NLN: variants seen among roughly 807,000 people sequenced by gnomAD.
NLN encodes the protein neurolysin, also known as neurolysin, mitochondrial.
NLN carries 64 observed loss-of-function variants against 79.9 expected under a neutral mutation model. The ratio of observed to expected loss-of-function variants is 0.80; its 90% CI spans 0.65 to 0.99. NLN has a LOEUF of 0.99. Ranked by LOEUF, NLN falls within the 50% of genes least tolerant of loss-of-function variation. The pLI, the probability that NLN is intolerant of heterozygous loss-of-function variation, is 0.00. For missense variants in NLN, 835 were observed against 858.7 expected, an observed-to-expected ratio of 0.97 and a Z score of 0.34; for synonymous variants, 267 against 296.6, an observed-to-expected ratio of 0.90 and a Z score of 1.02.
chr5:65,791,094 T>G (rs930595419), intron 8 of NLN, among the ~76,000 whole-genome samples: 1 of 152,214 alleles, frequency 6.6e-6, no homozygotes, highest in African/African-American at 2.4e-5. Context: ...TTTATTTGTC[T>G]AACTGACTTT....
intron 3 of NLN, among the ~76,000 whole-genome samples, chr5:65,771,375 C>G (rs1027862989): frequency 4.6e-5 from 7 of 152,016 alleles, no homozygotes; most frequent in African/African-American, 1.7e-4. Flanking sequence ...GCCATTTTGG[C>G]GAGAAAAATG....
chr5:65,754,176 C>G (rs1425100730), intron 1 of NLN, among the ~76,000 whole-genome samples: 1 of 152,178 alleles, frequency 6.6e-6, no homozygotes, highest in African/African-American at 2.4e-5. Context: ...CTGGAATGGT[C>G]AGGCTTTACA....
intron 9 of NLN, among the ~76,000 whole-genome samples, chr5:65,805,694 T>G (rs190036736): frequency 6.6e-6 from 1 of 152,374 alleles, no homozygotes; most frequent in East Asian, 1.9e-4. Flanking sequence ...ATTGCTGATT[T>G]AGAAGCTGTG....
intron 3 of NLN, among the ~76,000 whole-genome samples, chr5:65,774,983 C>T (rs1021620162): frequency 3.3e-5 from 5 of 152,014 alleles, no homozygotes; most frequent in African/African-American, 9.7e-5. Flanking sequence ...ATTCGGCCTC[C>T]CAATGCTGGG....
At chr5:65,730,956 A>C (rs1037478670) in intron 1 of NLN, among the ~76,000 whole-genome samples, 1 of 152,244 alleles carries the variant, frequency 6.6e-6, no homozygotes, top group African/African-American at 2.4e-5. Context: ...ACTGAATTTC[A>C]GTGGAGTACA....
At chr5:65,767,955 C>T (rs968763452) in intron 3 of NLN, among the ~76,000 whole-genome samples, 4 of 152,178 alleles carry the variant, frequency 2.6e-5, no homozygotes, top group African/African-American at 9.7e-5. Context: ...ATAAGTTCCT[C>T]ATCTTCATCT....
chr5:65,819,668 G>T (rs1024140558), intron 12 of NLN, among the ~76,000 whole-genome samples: 6 of 152,154 alleles, frequency 3.9e-5, no homozygotes, highest in African/African-American at 1.4e-4. Context: ...AATTTTAGCA[G>T]TTGTCTTAGA....
At chr5:65,822,375 T>G (rs1338440520) in intron 12 of NLN, among the ~76,000 whole-genome samples, 2 of 152,222 alleles carry the variant, frequency 1.3e-5, no homozygotes, top group African/African-American at 4.8e-5. Context: ...ACAGTAGCCA[T>G]GCTACTGTTT....
chr5:65,812,002 A>C (rs1467792871), intron 11 of NLN, among the ~76,000 whole-genome samples: 1 of 152,198 alleles, frequency 6.6e-6, no homozygotes, highest in Non-Finnish European at 1.5e-5. Flanking sequence ...GTGGGTGTGG[A>C]CAAAGCCGCT....
chr5:65,727,836 G>A (rs1303274523), intron 1 of NLN, among the ~76,000 whole-genome samples: 6 of 152,022 alleles, frequency 3.9e-5, no homozygotes, highest in African/African-American at 7.2e-5. Context: ...GCATGATCTC[G>A]GCTCACTGCA....
At chr5:65,774,211 TTTG>T (rs1561195972) in intron 3 of NLN, among the ~76,000 whole-genome samples, 1 of 152,092 alleles carries the variant, frequency 6.6e-6, no homozygotes, top group Non-Finnish European at 1.5e-5. Context: ...ATTAAAACTC[TTTG>T]TTACAGGAGG....
intron 1 of NLN, among the ~76,000 whole-genome samples, chr5:65,739,880 C>T (rs75545723): frequency 0.02 from 2,982 of 152,166 alleles, 107 homozygotes; most frequent in African/African-American, 0.069. Context: ...TATTGAGTTA[C>T]TTGTATATTT....
chr5:65,737,333 C>G (rs553819621), intron 1 of NLN, among the ~76,000 whole-genome samples: 2 of 152,202 alleles, frequency 1.3e-5, no homozygotes, highest in African/African-American at 4.8e-5. Flanking sequence ...TTTGTACTTT[C>G]TGAGGGTGAA....
intron 9 of NLN, among the ~76,000 whole-genome samples, chr5:65,806,750 T>C (rs1006469369): frequency 6.6e-6 from 1 of 152,236 alleles, no homozygotes; most frequent in African/African-American, 2.4e-5. Flanking sequence ...GGTATTGAGA[T>C]AATTGACTCC....
chr5:65,727,735 C>T (rs1350228160), intron 1 of NLN, among the ~76,000 whole-genome samples: 1 of 152,142 alleles, frequency 6.6e-6, no homozygotes, highest in Non-Finnish European at 1.5e-5. Context: ...GCCTAGCTTC[C>T]TCTTGCAATT....
chr5:65,822,605 C>A (rs1760826986), intron 12 of NLN, among the ~76,000 whole-genome samples, 176 bp from the exon 13 acceptor site: 1 of 152,178 alleles, frequency 6.6e-6, no homozygotes, highest in African/African-American at 2.4e-5. Flanking sequence ...CTCCAAATCT[C>A]TTAGCTACCA....
At chr5:65,728,379 C>T (rs1245370158) in intron 1 of NLN, among the ~76,000 whole-genome samples, 2 of 152,016 alleles carry the variant, frequency 1.3e-5, no homozygotes, top group African/African-American at 4.8e-5. Context: ...TCAACTATTC[C>T]CAACTTCCTG....
intron 1 of NLN, among the ~76,000 whole-genome samples, chr5:65,724,704 G>T (rs1186189007): frequency 2.0e-5 from 3 of 152,054 alleles, no homozygotes; most frequent in Non-Finnish European, 4.4e-5. Flanking sequence ...ATTCCCATTG[G>T]CAGTACCTAA....
chr5:65,734,324 G>T (rs1451703911), intron 1 of NLN, among the ~76,000 whole-genome samples: 1 of 137,980 alleles, frequency 7.2e-6, no homozygotes, highest in Non-Finnish European at 1.6e-5. Flanking sequence ...GGAAGCACAC[G>T]GTCATGTGTT....
Sources: allele counts gnomAD v4.1 joint callset (sites outside exome capture counted in the v4.1 genomes callset), GRCh38; gene constraint gnomAD v4.1.1; transcripts MANE v1.5; gene names NCBI Gene and HGNC (gene_info 2026-07-23, HGNC 2026-07-21).